Variants in MALRD1 observed in about 807,000 individuals in gnomAD.
MALRD1 encodes MAM and LDL receptor class A domain containing 1.
In MALRD1, 247 loss-of-function variants were observed where a neutral mutation model predicts 242.1. The ratio of observed to expected loss-of-function variants is 1.02; its 90% confidence interval spans 0.92 to 1.13. The LOEUF is 1.13. Ranked by LOEUF, MALRD1 falls within the 50% of genes most tolerant of loss-of-function variation. The probability of loss-of-function intolerance (pLI) is 0.00; values close to 1 mark genes in which losing one functional copy is unlikely to be tolerated. For missense variants in MALRD1, 2,989 were observed against 2,533.1 expected (o/e 1.18, Z -3.86); for synonymous variants, 995 against 866.6 (o/e 1.15, Z -2.60).
At chr10:19,715,057 C>A (rs1834320262) in intron 38 of MALRD1, among the ~76,000 whole-genome samples, 1 of 152,168 alleles carries the variant, frequency 6.6e-6, no homozygotes, top group African/African-American at 2.4e-5. Flanking sequence ...TACGTGCACT[C>A]TTTTCCTCTT....
chr10:19,576,941 C>T (rs1836857584), intron 33 of MALRD1, among the ~76,000 whole-genome samples: 2 of 148,248 alleles, frequency 1.3e-5, no homozygotes, highest in Admixed American at 1.4e-4. Flanking sequence ...TTAGTTCCTC[C>T]TCATTGAAAA....
At chr10:19,165,230 G>T (rs1264949836) in intron 12 of MALRD1, among the ~76,000 whole-genome samples, 1 of 67,870 alleles carries the variant, frequency 1.5e-5, no homozygotes, top group African/African-American at 9.4e-5. Context: ...ATTTAACACA[G>T]AAGTTGTTTG....
chr10:19,103,863 A>C (rs1202620700), intron 4 of MALRD1, 116 bp from the exon 5 acceptor site: 9 of 505,088 alleles, frequency 1.8e-5, no homozygotes. Flanking sequence ...TGGTCACCCA[A>C]GTGCTTCTAG....
At chr10:19,646,372 G>T (rs903379805) in intron 36 of MALRD1, among the ~76,000 whole-genome samples, 1 of 152,048 alleles carries the variant, frequency 6.6e-6, no homozygotes, top group South Asian at 2.1e-4. Context: ...GGGAGGCCGA[G>T]GGGGGCAGAT....
chr10:19,486,795 A>G (rs962986858), intron 29 of MALRD1, among the ~76,000 whole-genome samples: 3 of 152,178 alleles, frequency 2.0e-5, no homozygotes, highest in Admixed American at 2.0e-4. Context: ...GTACAAAACG[A>G]TTTTAATCCA....
intron 18 of MALRD1, among the ~76,000 whole-genome samples, chr10:19,237,644 A>T (rs1326844877): frequency 1.0e-5 from 1 of 98,192 alleles, no homozygotes; most frequent in Non-Finnish European, 1.9e-5. Flanking sequence ...TTATATATAA[A>T]TTATTATAAT....
chr10:19,633,821 C>CTTTCTT (rs1472309781), intron 36 of MALRD1: 4 of 148,204 alleles, frequency 2.7e-5, no homozygotes, highest in Non-Finnish European at 5.9e-5. Flanking sequence ...GCCACAGTTT[C>CTTTCTT]TTTCTTTTTC....
intron 12 of MALRD1, among the ~76,000 whole-genome samples, chr10:19,165,134 A>G (rs1834619358): frequency 6.6e-6 from 1 of 150,958 alleles, no homozygotes; most frequent in African/African-American, 2.4e-5. Context: ...AGCCAGAGAG[A>G]AGGATTCTGG....
At chr10:19,355,446 A>G (rs76801487) in intron 26 of MALRD1, among the ~76,000 whole-genome samples, 1,966 of 152,048 alleles carry the variant, frequency 0.013, 36 homozygotes, top group African/African-American at 0.036. Context: ...AAAATAAAAA[A>G]GAGTATTCAT....
intron 33 of MALRD1, among the ~76,000 whole-genome samples, chr10:19,575,197 G>C (rs1836746604): frequency 6.6e-6 from 1 of 152,106 alleles, no homozygotes; most frequent in Non-Finnish European, 1.5e-5. Context: ...AATACTCATG[G>C]GATGCAAAAC....
intron 12 of MALRD1, among the ~76,000 whole-genome samples, chr10:19,160,329 A>G (rs1353523768): frequency 1.5e-5 from 2 of 137,032 alleles, no homozygotes; most frequent in Non-Finnish European, 3.1e-5. Context: ...ATCATGGTGG[A>G]TAAGCTTTTT....
chr10:19,274,018 A>G (rs1840382106), intron 19 of MALRD1, among the ~76,000 whole-genome samples: 2 of 152,208 alleles, frequency 1.3e-5, no homozygotes, highest in African/African-American at 4.8e-5. Context: ...ATTCTTGTGC[A>G]TTCCTGGTGG....
chr10:19,600,289 T>C (rs915343395), intron 34 of MALRD1, among the ~76,000 whole-genome samples: 1 of 152,208 alleles, frequency 6.6e-6, no homozygotes, highest in African/African-American at 2.4e-5. Flanking sequence ...CTTACAACAG[T>C]GTTCCTCAGT....
intron 18 of MALRD1, among the ~76,000 whole-genome samples, chr10:19,238,566 ATATACATAATGTATAT>A (rs1564493039): frequency 2.9e-4 from 24 of 81,456 alleles, no homozygotes; most frequent in African/African-American, 1.0e-3. Context: ...ATTATATATA[ATATACATAATGTATAT>A]TATATATATA....
At chr10:19,564,480 A>G (rs1190199700) in intron 32 of MALRD1, among the ~76,000 whole-genome samples, 1 of 151,990 alleles carries the variant, frequency 6.6e-6, no homozygotes, top group African/African-American at 2.4e-5. Context: ...ATATTTTTGT[A>G]TATTCTTGGA....
At chr10:19,139,540 A>G (rs1833468506) in intron 10 of MALRD1, among the ~76,000 whole-genome samples, 2 of 152,338 alleles carry the variant, frequency 1.3e-5, no homozygotes, top group South Asian at 4.1e-4. Flanking sequence ...ATGAGTAAAT[A>G]TGAACTCGTG....
At chr10:19,651,464 T>G (rs1449814851) in intron 36 of MALRD1, among the ~76,000 whole-genome samples, 2 of 152,196 alleles carry the variant, frequency 1.3e-5, no homozygotes, top group African/African-American at 4.8e-5. Flanking sequence ...AAGAAGGCCA[T>G]TATTTGAAGG....
At chr10:19,106,938 C>G (rs1278756218) in intron 5 of MALRD1, among the ~76,000 whole-genome samples, 1 of 151,694 alleles carries the variant, frequency 6.6e-6, no homozygotes, top group East Asian at 1.9e-4. Context: ...GTATAGTTTC[C>G]AAAGTTCATT....
chr10:19,449,855 G>A (rs1835223801), intron 28 of MALRD1, among the ~76,000 whole-genome samples: 1 of 152,064 alleles, frequency 6.6e-6, no homozygotes, highest in African/African-American at 2.4e-5. Context: ...TTTGAGGGGA[G>A]GGGGAAGAAA....
Sources: allele counts gnomAD v4.1 joint callset (sites outside exome capture counted in the v4.1 genomes callset), GRCh38; gene constraint gnomAD v4.1.1; transcripts MANE v1.5; gene names NCBI Gene and HGNC (gene_info 2026-07-23, HGNC 2026-07-21).